Variants in VWA3B observed in about 807,000 individuals in gnomAD.
The protein encoded by VWA3B is von Willebrand factor A domain containing 3B, also known as von Willebrand factor A domain-containing protein 3B.
A neutral mutation model predicts 158.3 loss-of-function variants in VWA3B; 138 were observed. The ratio of observed to expected loss-of-function variants is 0.87; its 90% confidence interval spans 0.76 to 1.00. The LOEUF (loss-of-function observed/expected upper bound fraction) is 1.00. Ranked by LOEUF, VWA3B falls within the 50% of genes least tolerant of loss-of-function variation. VWA3B has a pLI of 0.00. For missense variants in VWA3B, 1,555 were observed against 1,565.1 expected (o/e 0.99, Z 0.11); for synonymous variants, 596 against 587.3 (o/e 1.01, Z -0.21).
At chr2:98,294,135 T>C (rs1165567053) in intron 23 of VWA3B, among the ~76,000 whole-genome samples, 1 of 142,022 alleles carries the variant, frequency 7.0e-6, no homozygotes, top group Non-Finnish European at 1.5e-5. Context: ...CTGCCCTCAT[T>C]GGTGATGTTA....
intron 2 of VWA3B, among the ~76,000 whole-genome samples, chr2:98,109,792 CT>C (rs35707535): frequency 5.7e-3 from 749 of 130,322 alleles, no homozygotes; most frequent in Middle Eastern, 8.2e-3. Flanking sequence ...GTTGATAGTT[CT>C]TTTTTTTTTT....
intron 2 of VWA3B, among the ~76,000 whole-genome samples, chr2:98,113,047 T>TTATA (rs150607114): frequency 6.6e-5 from 10 of 150,654 alleles, no homozygotes; most frequent in African/African-American, 2.4e-4. Flanking sequence ...CCCTCCAACA[T>TTATA]TATATATATA....
intron 2 of VWA3B, among the ~76,000 whole-genome samples, chr2:98,107,959 A>G (rs1673807187): frequency 1.3e-5 from 2 of 151,320 alleles, no homozygotes; most frequent in South Asian, 2.1e-4. Context: ...AGCTTTGATT[A>G]TTGATTTGAG....
intron 7 of VWA3B, among the ~76,000 whole-genome samples, chr2:98,140,606 T>G (rs1333237119): frequency 6.6e-6 from 1 of 152,156 alleles, no homozygotes; most frequent in Non-Finnish European, 1.5e-5. Flanking sequence ...TCTCTCTTTA[T>G]GATGGGCTTG....
chr2:98,299,995 C>T (rs556187174), intron 24 of VWA3B, 84 bp from the exon 25 acceptor site: 3 of 1,561,614 alleles, frequency 1.9e-6, no homozygotes, highest in Non-Finnish European at 2.6e-6. Context: ...TGCCAATTGC[C>T]TTGGAGTATT....
At chr2:98,183,725 G>A (rs1680780593) in intron 9 of VWA3B, among the ~76,000 whole-genome samples, 1 of 152,322 alleles carries the variant, frequency 6.6e-6, no homozygotes, top group Middle Eastern at 3.4e-3. Flanking sequence ...AGGCACACTG[G>A]ATACGGAACG....
intron 2 of VWA3B, among the ~76,000 whole-genome samples, chr2:98,102,009 A>C (rs1683110482): frequency 6.6e-6 from 1 of 152,180 alleles, no homozygotes; most frequent in Admixed American, 6.5e-5. Context: ...TCCTAGGCAG[A>C]GGTCCCTGCG....
In VWA3B at chr2:98,107,456, T is replaced by C. The variant is rs530366035; in HGVS notation, c.197-8196T>C. ...ATAACAAGAAACAATGTAGAATTAA[T>C]ATTAATTATTCTTTAAACATTTGGT... On this transcript the variant is annotated intron_variant, in intron 2 of 27. Coordinates refer to ENST00000477737, the MANE Select transcript of VWA3B (RefSeq NM_144992.5). Among the ~76,000 whole-genome samples, 126 of 152,164 alleles carry C rather than the reference T, an allele frequency of 8.3e-4. 3 individuals carry two copies. The highest frequency in any genetic ancestry group is 2.4e-4 in the Non-Finnish European group (16 of 67,996).
At chr2:98,279,887 G>A (rs2105915161) in intron 22 of VWA3B, among the ~76,000 whole-genome samples, 1 of 152,310 alleles carries the variant, frequency 6.6e-6, no homozygotes, top group African/African-American at 2.4e-5. Flanking sequence ...GAGAGCAAGG[G>A]GGATGCGTGA....
At chr2:98,158,662 C>T (rs1197517633) in intron 7 of VWA3B, among the ~76,000 whole-genome samples, 1 of 149,574 alleles carries the variant, frequency 6.7e-6, no homozygotes, top group East Asian at 2.0e-4. Context: ...TGCCCTGGTT[C>T]ATTCCACGGG....
chr2:98,138,580 T>A (rs574934575), intron 7 of VWA3B, among the ~76,000 whole-genome samples: 1 of 152,066 alleles, frequency 6.6e-6, no homozygotes, highest in East Asian at 1.9e-4. Flanking sequence ...GGGGCGCGGA[T>A]CTCATAATAT....
chr2:98,109,903 T>C (rs992533876), intron 2 of VWA3B, among the ~76,000 whole-genome samples: 2 of 151,948 alleles, frequency 1.3e-5, no homozygotes, highest in African/African-American at 2.4e-5. Flanking sequence ...TATTGATATA[T>C]GCTTTAAAGA....
At chr2:98,126,164 C>T (rs1394518962) in intron 5 of VWA3B, among the ~76,000 whole-genome samples, 1 of 152,138 alleles carries the variant, frequency 6.6e-6, no homozygotes, top group Non-Finnish European at 1.5e-5. Flanking sequence ...AATGTCATAA[C>T]CTTAGTAAAG....
chr2:98,183,916 C>T (rs919229287), intron 9 of VWA3B, among the ~76,000 whole-genome samples: 1 of 152,202 alleles, frequency 6.6e-6, no homozygotes, highest in Non-Finnish European at 1.5e-5. Flanking sequence ...CAGATGTTGC[C>T]TTCCTTTTTT....
intron 14 of VWA3B, among the ~76,000 whole-genome samples, chr2:98,220,165 T>TAAAAAAAAAAAAAAAAA (rs58005028): frequency 1.2e-5 from 1 of 83,658 alleles, no homozygotes; most frequent in East Asian, 3.9e-4. Context: ...ACCTGTCTCA[T>TAAAAAAAAAAAAAAAAA]AAAAAAAAAA....
intron 2 of VWA3B, among the ~76,000 whole-genome samples, chr2:98,097,233 T>C (rs535346547): frequency 2.6e-5 from 4 of 152,130 alleles, no homozygotes; most frequent in Non-Finnish European, 5.9e-5. Flanking sequence ...CAATATTTAG[T>C]TTTTTATTCC....
chr2:98,217,061 G>A (rs888807839), intron 13 of VWA3B: 1 of 1,081,330 alleles, frequency 9.2e-7, no homozygotes, highest in Non-Finnish European at 1.2e-6. Context: ...TGGTGCTGGG[G>A]AGCTGGGCAG....
chr2:98,250,985 A>G (rs1183978425), intron 20 of VWA3B, among the ~76,000 whole-genome samples: 1 of 152,126 alleles, frequency 6.6e-6, no homozygotes, highest in Non-Finnish European at 1.5e-5. Flanking sequence ...CTGTAGTCCC[A>G]GCTACTTGGG....
At chr2:98,095,478 G>C (rs760862657) in intron 2 of VWA3B, among the ~76,000 whole-genome samples, 5 of 152,138 alleles carry the variant, frequency 3.3e-5, no homozygotes, top group Non-Finnish European at 7.4e-5. Context: ...TTTGTAGTCT[G>C]CAACTTTACT....
Sources: allele counts gnomAD v4.1 joint callset (sites outside exome capture counted in the v4.1 genomes callset), GRCh38; gene constraint gnomAD v4.1.1; transcripts MANE v1.5; gene names NCBI Gene and HGNC (gene_info 2026-07-23, HGNC 2026-07-21).